The following LRCH1 variants were observed in gnomAD, a reference collection of about 807,000 sequenced individuals.
The protein encoded by LRCH1 is leucine rich repeats and calponin homology domain containing 1, also known as leucine-rich repeat and calponin homology domain-containing protein 1.
LRCH1 carries 23 observed loss-of-function variants against 94.9 expected under a neutral mutation model. The observed-to-expected ratio is 0.24, with a 90% confidence interval of 0.17 to 0.34. LRCH1 has a LOEUF of 0.34. Among genes scored for constraint, LRCH1 ranks in the 10% least tolerant of loss-of-function variants. The probability of loss-of-function intolerance (pLI) is 1.00; values close to 1 mark genes in which losing one functional copy is unlikely to be tolerated. For synonymous variants in LRCH1, 364 were observed against 354.9 expected (o/e 1.03, Z -0.29); for missense variants, 790 against 945.9 (o/e 0.84, Z 2.16).
chr13:46,719,526 G>A (rs931896328), intron 16 of LRCH1, among the ~76,000 whole-genome samples: 1 of 152,208 alleles, frequency 6.6e-6, no homozygotes, highest in Non-Finnish European at 1.5e-5. Context: ...CAGAGATGAG[G>A]ATGGGGTAAA....
chr13:46,667,857 T>C (rs2051540934), intron 2 of LRCH1, among the ~76,000 whole-genome samples: 1 of 152,228 alleles, frequency 6.6e-6, no homozygotes, highest in Non-Finnish European at 1.5e-5. Context: ...ATTGTACCTA[T>C]ACCCGAAGAG....
At chr13:46,745,116 G>A (rs1373367897), downstream of LRCH1, among the ~76,000 whole-genome samples, 2 of 152,076 alleles carry the variant, frequency 1.3e-5, no homozygotes, top group African/African-American at 4.8e-5. Flanking sequence ...TTTCATAAAG[G>A]GCCTAAAGGA....
Position 46,676,082 on chromosome 13 carries a change from G to A in LRCH1, c.580-5659G>A, listed in dbSNP as rs188858739. Reference sequence around the variant, plus strand: ...TCGAGACCAGCCTGACCAACATGGTGAAACCCTGTCTCTACTAAAAATACA... The same window carrying A: ...TCGAGACCAGCCTGACCAACATGGTAAAACCCTGTCTCTACTAAAAATACA... On this transcript the variant is annotated intron_variant, in intron 3 of 19. Transcript: ENST00000389797. 2.1e-3 allele frequency among the ~76,000 whole-genome samples: 321 copies of A among 152,336 alleles called. 1 individual carries two copies. Among genetic ancestry groups the A allele is most frequent in the African/African-American group, 7.3e-3 (305 of 41,576 alleles).
At chr13:46,722,360 AG>A (rs901015300) in intron 16 of LRCH1, among the ~76,000 whole-genome samples, 3 of 152,242 alleles carry the variant, frequency 2.0e-5, no homozygotes, top group Middle Eastern at 3.4e-3. Flanking sequence ...AAAAATCTCT[AG>A]GAAGAAAAAA....
chr13:46,581,687 G>C (rs1449696368), intron 1 of LRCH1, among the ~76,000 whole-genome samples: 1 of 152,208 alleles, frequency 6.6e-6, no homozygotes, highest in Non-Finnish European at 1.5e-5. Context: ...TTTGCCTCCA[G>C]TTAATGTCCT....
In LRCH1 at chr13:46,711,813, A is replaced by G. The variant is rs372622217; in HGVS notation, c.1550A>G (p.Gln517Arg). 1.2e-6 allele frequency: 2 copies of G among 1,613,412 alleles called. No homozygotes were observed. ...VCEVQSDLTL[Q>R]SNGSQYSPNE... ...AAGGTGCAAAGTGATCTAACATTAC[A>G]GAGTAACGGGAGCCAGTATTCTCCA... Residue 517 changes from glutamine to arginine, a missense_variant, in exon 14 of 20, where the codon CAG (glutamine) becomes CGG (arginine). Coordinates refer to ENST00000389797, the MANE Select transcript of LRCH1 (RefSeq NM_001164211.2).
intron 1 of LRCH1, among the ~76,000 whole-genome samples, chr13:46,639,738 T>G (rs2051136446): frequency 6.6e-6 from 1 of 152,214 alleles, no homozygotes; most frequent in Non-Finnish European, 1.5e-5. Context: ...ATCCCTGTCC[T>G]AGGCAGAGTC....
At chr13:46,716,720 G>C (rs1872340445) in intron 16 of LRCH1, among the ~76,000 whole-genome samples, 1 of 152,150 alleles carries the variant, frequency 6.6e-6, no homozygotes, top group African/African-American at 2.4e-5. Flanking sequence ...TACTTTGGCA[G>C]AGTAGTTATA....
At chr13:46,561,354 C>T (rs1186011138) in intron 1 of LRCH1, among the ~76,000 whole-genome samples, 1 of 152,204 alleles carries the variant, frequency 6.6e-6, no homozygotes, top group Non-Finnish European at 1.5e-5. Context: ...GGGGACCTAA[C>T]ACAGGTGTGG....
rs373736027 is a variant in LRCH1 at position 46,692,528 on chromosome 13, C to G, written c.1015-8C>G. 6.2e-7 allele frequency: 1 copy of G among 1,604,014 alleles called. No individual in the cohort carries two copies. The highest frequency in any genetic ancestry group is 8.5e-7 in the Non-Finnish European group (1 of 1,171,022). ...TCTTGAGTTAAACAGTGCACTGTAT[C>G]TTTTTAGCCTTCTGACGAAGACACT... is the stretch of plus-strand genomic sequence containing the variant. On this transcript the variant is annotated splice_region_variant and splice_polypyrimidine_tract_variant and intron_variant, in intron 7 of 19. Transcript: ENST00000389797.
At chr13:46,621,018 G>A (rs1002257607) in intron 1 of LRCH1, among the ~76,000 whole-genome samples, 15 of 152,142 alleles carry the variant, frequency 9.9e-5, no homozygotes, top group African/African-American at 3.6e-4. Flanking sequence ...CTCATACCTG[G>A]CCTCCTCCTA....
chr13:46,639,919 GT>G (rs1321266501), intron 1 of LRCH1, among the ~76,000 whole-genome samples: 6 of 152,188 alleles, frequency 3.9e-5, no homozygotes, highest in African/African-American at 1.4e-4. Context: ...AGGAGGCCTG[GT>G]GTCCTAGTTA....
At chr13:46,596,505 A>C (rs1173988691) in intron 1 of LRCH1, among the ~76,000 whole-genome samples, 1 of 152,222 alleles carries the variant, frequency 6.6e-6, no homozygotes, top group African/African-American at 2.4e-5. Context: ...AATTGGAAAA[A>C]TTGGGCATTT....
chr13:46,624,620 G>A (rs1347204228), intron 1 of LRCH1, among the ~76,000 whole-genome samples: 1 of 152,150 alleles, frequency 6.6e-6, no homozygotes, highest in African/African-American at 2.4e-5. Context: ...AAGCATGGAG[G>A]GTTTTCGTTA....
intron 10 of LRCH1, among the ~76,000 whole-genome samples, chr13:46,699,745 G>T (rs762136681): frequency 6.6e-5 from 10 of 152,106 alleles, no homozygotes; most frequent in African/African-American, 2.2e-4. Flanking sequence ...GATCTGTAGC[G>T]CTGATCTCCT....
intron 9 of LRCH1, among the ~76,000 whole-genome samples, chr13:46,696,438 ATG>A (rs768542035): frequency 6.6e-5 from 10 of 152,208 alleles, no homozygotes; most frequent in Admixed American, 1.3e-4. Context: ...ACCCTGAAGA[ATG>A]TGTTAAGAAG....
intron 1 of LRCH1, among the ~76,000 whole-genome samples, chr13:46,614,502 C>G (rs1461006246): frequency 6.6e-6 from 1 of 151,996 alleles, no homozygotes; most frequent in African/African-American, 2.4e-5. Flanking sequence ...ATCAAAAAAC[C>G]CAAACTGTTC....
At chr13:46,642,325 A>G (rs2051168420) in intron 1 of LRCH1, among the ~76,000 whole-genome samples, 1 of 152,240 alleles carries the variant, frequency 6.6e-6, no homozygotes, top group South Asian at 2.1e-4. Context: ...CAGAATCAGT[A>G]GATTCAAGAC....
At chr13:46,703,393 C>CT (rs1871588828) in intron 11 of LRCH1, among the ~76,000 whole-genome samples, 1 of 152,136 alleles carries the variant, frequency 6.6e-6, no homozygotes, top group South Asian at 2.1e-4. Context: ...AAGTACCTAC[C>CT]TTTTAGGGTT....
Sources: allele counts gnomAD v4.1 joint callset (sites outside exome capture counted in the v4.1 genomes callset), GRCh38; gene constraint gnomAD v4.1.1; transcripts MANE v1.5; gene names NCBI Gene and HGNC (gene_info 2026-07-23, HGNC 2026-07-21).